CEP120: variants seen among roughly 807,000 people sequenced by gnomAD.
CEP120 encodes centrosomal protein 120, also known as centrosomal protein of 120 kDa.
A neutral mutation model predicts 126.5 loss-of-function variants in CEP120; 113 were observed. The ratio of observed to expected loss-of-function variants is 0.89; its 90% CI spans 0.77 to 1.04. The LOEUF is 1.04. Among genes scored for constraint, CEP120 ranks in the 50% least tolerant of loss-of-function variants. CEP120 has a pLI of 0.00. For missense variants in CEP120, 1,230 were observed against 1,155.7 expected (o/e 1.06, Z -0.93); for synonymous variants, 400 against 394.3 (o/e 1.01, Z -0.17).
chr5:123,346,757 A>C lies in CEP120; in HGVS notation c.2727-4T>G, dbSNP rs1768855028. 1 of 1,584,362 alleles carries C rather than the reference A, an allele frequency of 6.3e-7. No individual in the cohort carries two copies. The highest frequency in any genetic ancestry group is 8.6e-7 in the Non-Finnish European group (1 of 1,168,136). On this transcript the variant is annotated splice_region_variant and splice_polypyrimidine_tract_variant and intron_variant, in intron 19 of 19. Transcript: ENST00000306467. Reference sequence around the variant, plus strand: ...TTTTTGCTCTTGTTGCCTTAACCTGAGAAGTCAAGAACAAATGCCACTGTA... The same window carrying C: ...TTTTTGCTCTTGTTGCCTTAACCTGCGAAGTCAAGAACAAATGCCACTGTA...
intron 6 of CEP120, among the ~76,000 whole-genome samples, chr5:123,392,910 C>T (rs911370562): frequency 3.9e-5 from 6 of 152,120 alleles, no homozygotes; most frequent in African/African-American, 9.7e-5. Context: ...TTGCTTTTAA[C>T]GGCAGTAAGG....
intron 18 of CEP120, among the ~76,000 whole-genome samples, chr5:123,360,246 GA>G (rs1769977556): frequency 6.6e-6 from 1 of 151,956 alleles, no homozygotes; most frequent in Non-Finnish European, 1.5e-5. Flanking sequence ...TCACACACAT[GA>G]AATGTGCCTA....
rs76942218 is a variant in CEP120, at chr5:123,378,440, T to TAAA, written c.2104-15_2104-13dup. On this transcript the variant is annotated splice_polypyrimidine_tract_variant and intron_variant, in intron 14 of 19. Coordinates refer to ENST00000306467, the MANE Select transcript of CEP120 (RefSeq NM_001375405.1). The stretch of plus-strand genomic sequence containing the variant: ...GTATATTCAGCCACCTAAAATATAG[T>TAAA]AAAAAAAAAAAAAAAAAAGTTACCT... 6.7e-4 allele frequency: 718 copies of TAAA among 1,063,836 alleles called. 2 individuals carry two copies. The African/African-American group carries it at 0.011, about 16-fold the overall frequency. 65.9% of individuals were successfully genotyped at this position (1,063,836 alleles called of 1,614,324 possible). A position where few individuals can be genotyped will look rare whatever the true frequency, so the allele number is the denominator to read the frequency against.
At position 123,346,471 on chromosome 5, in the gene CEP120, A is replaced by AAATT. The variant is rs1445133470; in HGVS notation, c.*44_*47dup. 1 of 1,390,172 alleles carries AAATT rather than the reference A, an allele frequency of 7.2e-7. No individual in the cohort carries two copies. The highest frequency in any genetic ancestry group is 2.3e-5 in the East Asian group (1 of 43,150). 86.1% of individuals were successfully genotyped at this position (1,390,172 alleles called of 1,614,324 possible). On this transcript the variant is annotated 3_prime_UTR_variant, in exon 20 of 20. Coordinates refer to ENST00000306467, the MANE Select transcript of CEP120 (RefSeq NM_001375405.1). ...CCTCACTTTTGAGGTTTTTACAAAG[A>AAATT]AATTAAAATTTAGACTTAGAGTCTC...
intron 7 of CEP120, 192 bp downstream of exon 7, chr5:123,390,918 T>C: frequency 1.9e-6 from 1 of 535,314 alleles, no homozygotes; most frequent in Non-Finnish European, 3.3e-6. Flanking sequence ...AAGAGGGCTC[T>C]GGGTAGAATC....
chr5:123,373,825 G>A (rs1771024062), intron 16 of CEP120, among the ~76,000 whole-genome samples: 1 of 151,884 alleles, frequency 6.6e-6, no homozygotes, highest in African/African-American at 2.4e-5. Flanking sequence ...TTTTCCCAGA[G>A]ACCCCCAGCC....
rs149296530 is a variant in CEP120 at position 123,387,992 on chromosome 5, A to G, written c.1430+440T>C. ...CTCCCATTATAATACAGTTTTATAG[A>G]AAAATCAGATAATACACTACCTTTT... On this transcript the variant is annotated intron_variant, in intron 9 of 19. Transcript: ENST00000306467. 1.9e-3 allele frequency among the ~76,000 whole-genome samples: 284 copies of G among 150,496 alleles called. 1 individual carries two copies. Among genetic ancestry groups the G allele is most frequent in the Admixed American group, 0.011 (168 of 15,018 alleles).
intron 1 of CEP120, among the ~76,000 whole-genome samples, chr5:123,419,960 T>G (rs760700545): frequency 5.3e-5 from 8 of 152,232 alleles, no homozygotes; most frequent in Non-Finnish European, 8.8e-5. Flanking sequence ...TTTTATCCAT[T>G]GATTAATGAA....
At chr5:123,389,859 AT>A in intron 8 of CEP120, 64 bp downstream of exon 8, 2 of 1,419,660 alleles carry the variant, frequency 1.4e-6, no homozygotes, top group Non-Finnish European at 2.0e-6. Context: ...TCTCATAGTC[AT>A]TTTTTAGATG....
In CEP120 at chr5:123,422,971, T is replaced by C. The variant is rs199793672; in HGVS notation, c.28A>G (p.Ile10Val). Residue 10 changes from isoleucine to valine, a missense_variant, in exon 1 of 20, where the codon ATC becomes GTC. Physicochemically the swap from Ile to Val is conservative, Grantham distance 29 (BLOSUM62 3). Coordinates refer to ENST00000306467, the MANE Select transcript of CEP120 (RefSeq NM_001375405.1). MVSKSDQLL[I>V]VVSILEGRHF... is the part of the protein sequence containing the mutation. The stretch of plus-strand genomic sequence containing the variant: ...TCACCTTCTAGGATGGACACGACGA[T>C]GAGCAATTGGTCGGATTTGGAGACC... 1.6e-4 allele frequency: 261 copies of C among 1,614,126 alleles called. No individual in the cohort carries two copies. In the African/African-American group the frequency reaches 3.1e-3, roughly 19 times the overall value.
chr5:123,377,565 G>T, intron 15 of CEP120, 30 bp from the exon 16 acceptor site: 1 of 1,548,450 alleles, frequency 6.5e-7, no homozygotes, highest in Non-Finnish European at 8.7e-7. Context: ...TAAGAGGTTG[G>T]TTTATTGCTA....
Position 123,348,657 on chromosome 5 carries a change from AATAAGATAC to A in CEP120, c.2726+1278_2726+1286del, listed in dbSNP as rs1469520676. Among the ~76,000 whole-genome samples, 8 of 152,356 alleles carry A rather than the reference AATAAGATAC, an allele frequency of 5.3e-5. No individual in the cohort carries two copies. In the East Asian group the frequency reaches 1.5e-3, roughly 29 times the overall value. ...TTCTCCACTTCATACATGGAGATAT[AATAAGATAC>A]TGTTTTAAATGTAATGTGTAGGCTC... is the stretch of plus-strand genomic sequence containing the variant. On this transcript the variant is annotated intron_variant, in intron 19 of 19. Coordinates refer to ENST00000306467, the MANE Select transcript of CEP120 (RefSeq NM_001375405.1).
chr5:123,415,616 G>A (rs540030893), intron 3 of CEP120, among the ~76,000 whole-genome samples: 1 of 152,224 alleles, frequency 6.6e-6, no homozygotes, highest in African/African-American at 2.4e-5. Context: ...GCTCACACCT[G>A]TAATCCCAGC....
At chr5:123,421,080 C>T (rs1774683579) in intron 1 of CEP120, among the ~76,000 whole-genome samples, 1 of 152,184 alleles carries the variant, frequency 6.6e-6, no homozygotes, top group South Asian at 2.1e-4. Context: ...CACACTGCTA[C>T]TAAACTGAAC....
intron 4 of CEP120, chr5:123,403,204 T>G (rs1773387418): frequency 2.3e-6 from 1 of 442,084 alleles, no homozygotes; most frequent in Admixed American, 2.6e-5. Context: ...CACCTCGATA[T>G]CAGCTAACAT....
chr5:123,350,009 A>C lies in CEP120; in HGVS notation c.2661T>G (p.Ala887=), dbSNP rs748088885. ...CGGTTTTTACTGTATCTTTTTCCTC[A>C]GCGGCAAGGTAACGTAGTCTCATCT... ...LEQMRLRYLA[A]EEKDTVKTER... is the part of the protein sequence containing the mutation. Residue 887 remains alanine (A), a synonymous_variant, in exon 19 of 20, where the codon GCT becomes GCG. Transcript: ENST00000306467. The C allele has an allele frequency of 3.1e-6, 5 of 1,613,668 alleles. No homozygotes were observed. Among genetic ancestry groups the C allele is most frequent in the South Asian group, 1.1e-5 (1 of 91,038 alleles).
chr5:123,375,374 G>A (rs1771140072), intron 16 of CEP120, among the ~76,000 whole-genome samples: 1 of 151,876 alleles, frequency 6.6e-6, no homozygotes, highest in Non-Finnish European at 1.5e-5. Flanking sequence ...TCAGGCTGGA[G>A]TGCAGTGTTG....
intron 15 of CEP120, among the ~76,000 whole-genome samples, 176 bp from the exon 16 acceptor site, chr5:123,377,711 T>C (rs764018829): frequency 1.2e-4 from 18 of 152,132 alleles, no homozygotes; most frequent in Non-Finnish European, 1.9e-4. Context: ...TTTTCAATCA[T>C]TGTTTAATAC....
intron 4 of CEP120, chr5:123,401,088 T>A: frequency 1.3e-6 from 2 of 1,591,014 alleles, no homozygotes; most frequent in Non-Finnish European, 1.7e-6. Flanking sequence ...ACCACTTGCA[T>A]AGCCGCTGGT....
Sources: gnomAD v4.1 joint callset for allele counts (sites outside exome capture counted in the v4.1 genomes callset) on GRCh38, gnomAD v4.1.1 for gene constraint, MANE v1.5 for transcripts, NCBI Gene and HGNC (gene_info 2026-07-23, HGNC 2026-07-21) for gene names.